Variants in ROBO1 observed in about 807,000 individuals in gnomAD.
The protein encoded by ROBO1 is roundabout homolog 1.
A neutral mutation model predicts 195.9 loss-of-function variants in ROBO1; 149 were observed. The observed-to-expected ratio is 0.76, with a 90% confidence interval of 0.67 to 0.87. The LOEUF (loss-of-function observed/expected upper bound fraction) is 0.87, where lower values mean the gene tolerates loss of function less well. Among genes scored for constraint, ROBO1 ranks in the 40% least tolerant of loss-of-function variants. The probability of loss-of-function intolerance (pLI) is 0.00; values close to 1 mark genes in which losing one functional copy is unlikely to be tolerated. For synonymous variants in ROBO1, 816 were observed against 733.2 expected (o/e 1.11, Z -1.82); for missense variants, 1,933 against 2,068.3 (o/e 0.93, Z 1.27).
chr3:79,492,078 G>A (rs1261992728), intron 2 of ROBO1, among the ~76,000 whole-genome samples: 1 of 152,032 alleles, frequency 6.6e-6, no homozygotes, highest in Non-Finnish European at 1.5e-5. Context: ...ATGTCTAAAG[G>A]ACTAAGAATT....
At chr3:79,609,653 T>C (rs1944594453) in intron 1 of ROBO1, among the ~76,000 whole-genome samples, 1 of 151,850 alleles carries the variant, frequency 6.6e-6, no homozygotes, top group Non-Finnish European at 1.5e-5. Flanking sequence ...TAACATACAA[T>C]GGAGTATCGT....
chr3:78,938,619 C>T lies in ROBO1; in HGVS notation c.481G>A (p.Ala161Thr), dbSNP rs2039950161. 1.9e-6 allele frequency: 3 copies of T among 1,610,682 alleles called. No homozygotes were observed. Among genetic ancestry groups the T allele is most frequent in the Non-Finnish European group, 2.5e-6 (3 of 1,177,392 alleles). The change falls in exon 4 of 31, where the codon GCA (alanine) becomes ACA (threonine). Residue 161 changes from alanine to threonine, a missense_variant. Around this residue, in one of 3 missense-constraint regions of ROBO1, gnomAD observed 1,737 missense variants for 1,882.5 expected, o/e 0.92. Coordinates refer to ENST00000464233, the MANE Select transcript of ROBO1 (RefSeq NM_002941.4). Reference sequence around the variant, plus strand: ...TACTTACTGGCTACTTCCAGCGATGCATTGTGGCTCACAGCCTCTCCAAGG... The same window carrying T: ...TACTTACTGGCTACTTCCAGCGATGTATTGTGGCTCACAGCCTCTCCAAGG... The part of the protein sequence containing the change: ...NYLGEAVSHN[A>T]SLEVAILRDD...
chr3:79,137,984 A>G (rs2080446143), intron 2 of ROBO1, among the ~76,000 whole-genome samples: 1 of 152,108 alleles, frequency 6.6e-6, no homozygotes, highest in Non-Finnish European at 1.5e-5. Context: ...AGAATAAAAT[A>G]AAGTATTTAA....
intron 3 of ROBO1, among the ~76,000 whole-genome samples, chr3:79,067,397 G>C (rs2079021193): frequency 1.3e-5 from 2 of 151,948 alleles, no homozygotes; most frequent in African/African-American, 4.8e-5. Context: ...TGCTTTTAAA[G>C]AGGTATTATT....
intron 1 of ROBO1, among the ~76,000 whole-genome samples, chr3:79,592,226 A>G (rs1944018810): frequency 6.6e-6 from 1 of 151,992 alleles, no homozygotes; most frequent in Non-Finnish European, 1.5e-5. Flanking sequence ...CACCTTAAAA[A>G]GAATGCAATA....
chr3:78,876,105 A>G (rs542110766), intron 4 of ROBO1, among the ~76,000 whole-genome samples: 2 of 152,228 alleles, frequency 1.3e-5, no homozygotes, highest in African/African-American at 4.8e-5. Flanking sequence ...ACTCACAGTT[A>G]TGTAGTCAAG....
At chr3:79,102,976 A>G (rs2079707123) in intron 3 of ROBO1, among the ~76,000 whole-genome samples, 1 of 151,846 alleles carries the variant, frequency 6.6e-6, no homozygotes. Flanking sequence ...TGACGATAAA[A>G]TAAAAGAAAA....
At chr3:78,801,790 A>T (rs1184574098) in intron 4 of ROBO1, among the ~76,000 whole-genome samples, 1 of 152,158 alleles carries the variant, frequency 6.6e-6, no homozygotes, top group East Asian at 1.9e-4. Context: ...GAATGCCTCT[A>T]AATAATTTAC....
intron 1 of ROBO1, among the ~76,000 whole-genome samples, chr3:79,735,880 A>C (rs1431976954): frequency 2.0e-5 from 2 of 97,808 alleles, no homozygotes; most frequent in Non-Finnish European, 4.3e-5. Context: ...CAAAAAAAAA[A>C]AAAAAACAAA....
Position 79,245,842 on chromosome 3 carries a change from A to C in ROBO1, c.89-120303T>G, listed in dbSNP as rs566465348. Among the ~76,000 whole-genome samples the C allele has an allele frequency of 3.3e-5, 5 of 152,182 alleles. No individual in the cohort carries two copies. The South Asian group carries it at 1.0e-3, about 32-fold the overall frequency. On this transcript the variant is annotated intron_variant, in intron 2 of 30. Transcript: ENST00000464233. ...TTGAAACAATAATGAAAAAAATCTT[A>C]CATTTTATTACTAAGTAATATGTTC...
rs2077467786 is a variant in ROBO1 at position 79,000,242 on chromosome 3, G to A, written c.173-61315C>T. ...ACAGCAAAAGAGGAAAAGCCCCTTA[G>A]AAAACCATCAGATCTCTTTGATGGG... is the stretch of plus-strand genomic sequence containing the variant. On this transcript the variant is annotated intron_variant, in intron 3 of 30. Transcript: ENST00000464233. 2.6e-5 allele frequency among the ~76,000 whole-genome samples: 4 copies of A among 152,060 alleles called. No individual in the cohort carries two copies. The South Asian group carries it at 8.3e-4, about 31-fold the overall frequency.
chr3:78,735,551 A>G (rs1051488762), intron 5 of ROBO1, among the ~76,000 whole-genome samples: 1 of 152,180 alleles, frequency 6.6e-6, no homozygotes, highest in South Asian at 2.1e-4. Context: ...ATGAATTTCT[A>G]TATGTTCGTA....
chr3:79,399,258 T>A (rs1425278387), intron 2 of ROBO1, among the ~76,000 whole-genome samples: 1 of 152,090 alleles, frequency 6.6e-6, no homozygotes, highest in Non-Finnish European at 1.5e-5. Flanking sequence ...CCACTAAATC[T>A]ACTCAAACTC....
At chr3:78,754,893 C>A (rs2082889534) in intron 4 of ROBO1, among the ~76,000 whole-genome samples, 1 of 152,046 alleles carries the variant, frequency 6.6e-6, no homozygotes, top group Non-Finnish European at 1.5e-5. Flanking sequence ...TCGGGAAGTG[C>A]ATTGCAGGCA....
intron 2 of ROBO1, among the ~76,000 whole-genome samples, chr3:79,388,371 C>G (rs1435524755): frequency 6.6e-6 from 1 of 152,044 alleles, no homozygotes; most frequent in Non-Finnish European, 1.5e-5. Context: ...TAGTATCTCT[C>G]TCTCTCTCTC....
At chr3:78,940,995 C>G (rs1399053023) in intron 3 of ROBO1, among the ~76,000 whole-genome samples, 1 of 148,380 alleles carries the variant, frequency 6.7e-6, no homozygotes, top group Non-Finnish European at 1.5e-5. Flanking sequence ...AAAGTTATAA[C>G]TAATACGTAT....
intron 4 of ROBO1, among the ~76,000 whole-genome samples, chr3:78,831,811 G>C (rs2032238598): frequency 6.6e-6 from 1 of 152,166 alleles, no homozygotes; most frequent in Non-Finnish European, 1.5e-5. Flanking sequence ...GTGGTGACAG[G>C]CAAGAGAGGG....
intron 2 of ROBO1, among the ~76,000 whole-genome samples, chr3:79,274,733 A>G (rs568040431): frequency 3.5e-4 from 53 of 152,116 alleles, no homozygotes; most frequent in African/African-American, 9.6e-4. Context: ...AATTGTAAAA[A>G]CCATTAGATC....
chr3:78,836,544 C>T (rs2032745913), intron 4 of ROBO1, among the ~76,000 whole-genome samples: 3 of 147,306 alleles, frequency 2.0e-5, no homozygotes, highest in South Asian at 4.3e-4. Context: ...AACATAAAAT[C>T]CCTCCTATTG....
Sources: gnomAD v4.1 joint callset for allele counts (sites outside exome capture counted in the v4.1 genomes callset) on GRCh38, gnomAD v4.1.1 for gene constraint, gnomAD v4.1.1 regional missense constraint, MANE v1.5 for transcripts, NCBI Gene and HGNC (gene_info 2026-07-23, HGNC 2026-07-21) for gene names.